Variants in CCR1 observed in about 807,000 individuals in gnomAD.
CCR1 encodes C-C chemokine receptor type 1.
A neutral mutation model predicts 0.3 loss-of-function variants in CCR1; 1 was observed. The ratio of observed to expected loss-of-function variants is 3.70; its 90% CI spans 1.31 to 17.54. CCR1 has a LOEUF of 17.54. Among genes scored for constraint, CCR1 ranks in the 30% most tolerant of loss-of-function variants. The pLI, the probability that CCR1 is intolerant of heterozygous loss-of-function variation, is 0.11. For missense variants in CCR1, 349 were observed against 435.4 expected, an observed-to-expected ratio of 0.80 and a Z score of 1.77; for synonymous variants, 207 against 182.5, an observed-to-expected ratio of 1.13 and a Z score of -1.08.
chr3:46,204,523 T>C (rs1316714604), intron 1 of CCR1, among the ~76,000 whole-genome samples, 199 bp from the exon 2 acceptor site: 1 of 152,142 alleles, frequency 6.6e-6, no homozygotes, highest in African/African-American at 2.4e-5. Flanking sequence ...CTAGGAATCT[T>C]AGTCTAACAG....
intron 1 of CCR1, among the ~76,000 whole-genome samples, chr3:46,204,622 G>A (rs1349689393): frequency 6.6e-6 from 1 of 152,164 alleles, no homozygotes; most frequent in Non-Finnish European, 1.5e-5. Context: ...TCAATGGGTG[G>A]AAAGCCAGAG....
Position 46,204,295 on chromosome 3 carries a change from T to C in CCR1, c.19A>G (p.Thr7Ala). The C allele has an allele frequency of 6.3e-7, 1 of 1,584,324 alleles. No homozygotes were observed. Among genetic ancestry groups the C allele is most frequent in the Non-Finnish European group, 8.6e-7 (1 of 1,168,298 alleles). ...TCTGTGGTCGTGTCATAGTCCTCTG[T>C]GGTGTTTGGAGTTTCCATCCCGGCT... METPNT[T>A]EDYDTTTEFD... Residue 7 changes from threonine (T) to alanine (A), a missense_variant, in exon 2 of 2, where the codon ACA becomes GCA. Transcript: ENST00000296140.
Position 46,203,252 on chromosome 3 carries a change from C to A in CCR1, c.1062G>T (p.Gly354=). The change falls in exon 2 of 2, where the codon GGG becomes GGT. Residue 354 remains glycine, a synonymous_variant. Coordinates refer to ENST00000296140, the MANE Select transcript of CCR1 (RefSeq NM_001295.3). The surrounding 1 kb of genome is among the most constrained non-coding windows in gnomAD (Gnocchi z 4.5). ...TGGCCTCCTATGGTCTGAGTCAGAACCCAGCAGAGAGTTCATGCTCCCCTG... is the reference window on the plus strand; with the variant it reads ...TGGCCTCCTATGGTCTGAGTCAGAAACCAGCAGAGAGTTCATGCTCCCCTG... ...PSTGEHELSA[G]F is the part of the protein sequence containing the mutation. The A allele has an allele frequency of 6.2e-7, 1 of 1,611,908 alleles. No homozygotes were observed. Among genetic ancestry groups the A allele is most frequent in the Non-Finnish European group, 8.5e-7 (1 of 1,178,512 alleles).
In CCR1 at chr3:46,203,832, G is replaced by T. The variant is rs773518362; in HGVS notation, c.482C>A (p.Ala161Asp). 6.2e-7 allele frequency: 1 copy of T among 1,614,182 alleles called. No individual in the cohort carries two copies. The highest frequency in any genetic ancestry group is 1.7e-5 in the Admixed American group (1 of 60,022). The change falls in exon 2 of 2, where the codon GCC becomes GAC. Residue 161 changes from alanine (A) to aspartate (D), a missense_variant. Ala to Asp is a moderately radical substitution (Grantham distance 126). Transcript: ENST00000296140. The surrounding 1 kb of genome is among the most constrained non-coding windows in gnomAD (Gnocchi z 4.5). ...TAAGCCTGGCATGGAAGCCAAGATGGCCAGGGCCCAAATGATGATGCTGGT... is the reference window on the plus strand; with the variant it reads ...TAAGCCTGGCATGGAAGCCAAGATGTCCAGGGCCCAAATGATGATGCTGGT... ...VITSIIIWAL[A>D]ILASMPGLYF...
intron 1 of CCR1, 149 bp from the exon 2 acceptor site, chr3:46,204,473 C>CA (rs1223484299): frequency 1.6e-5 from 9 of 575,480 alleles, no homozygotes. Flanking sequence ...GCCCTGGGGA[C>CA]AAAATGGAGT....
intron 1 of CCR1, among the ~76,000 whole-genome samples, chr3:46,207,965 C>T (rs1699662045): frequency 6.6e-6 from 1 of 152,128 alleles, no homozygotes; most frequent in South Asian, 2.1e-4. Flanking sequence ...GAATAGGTTT[C>T]CACAGAAAAC....
intron 1 of CCR1, among the ~76,000 whole-genome samples, chr3:46,207,414 G>A (rs1559521001): frequency 6.6e-6 from 1 of 151,842 alleles, no homozygotes; most frequent in African/African-American, 2.4e-5. Context: ...CAGAACAGAT[G>A]CCCCCCAAGA....
rs1350688557 is a variant in CCR1, at chr3:46,202,890, T to C, written c.*356A>G. 1.0e-5 allele frequency: 2 copies of C among 193,468 alleles called. No individual in the cohort carries two copies. The highest frequency in any genetic ancestry group is 2.1e-5 in the Non-Finnish European group (2 of 93,896). The allele number at this position is 193,468 out of a possible 1,614,324, so 12.0% of individuals were successfully genotyped here. On this transcript the variant is annotated 3_prime_UTR_variant, in exon 2 of 2. Transcript: ENST00000296140. Reference sequence around the variant, plus strand: ...CCACAGTCACCACTACTGGGTTTAATTGGTTTGTGCAAGCAATAGTGGGAA... The same window carrying C: ...CCACAGTCACCACTACTGGGTTTAACTGGTTTGTGCAAGCAATAGTGGGAA...
Position 46,203,578 on chromosome 3 carries a change from TCATGATGAC to T in CCR1, c.727_735del (p.Val243_Met245del). On this transcript the variant is annotated inframe_deletion, in exon 2 of 2. Transcript: ENST00000296140. This position sits in a 1 kb window ranked among gnomAD's most constrained non-coding sequence, Gnocchi z 4.5. ...GGGGTCCAAAAGAGAAAAAAGATGA[TCATGATGAC>T]AAAAATCAAACGGACAGCTTTGGAT... 1 of 1,614,068 alleles carries T rather than the reference TCATGATGAC, an allele frequency of 6.2e-7. No individual in the cohort carries two copies. Among genetic ancestry groups the T allele is most frequent in the East Asian group, 2.2e-5 (1 of 44,878 alleles).
Position 46,202,378 on chromosome 3 carries a change from A to G in CCR1, c.*868T>C, listed in dbSNP as rs201131076. 4.6e-5 allele frequency: 7 copies of G among 152,150 alleles called. No homozygotes were observed. The highest frequency in any genetic ancestry group is 8.8e-5 in the Non-Finnish European group (6 of 68,032). The allele number at this position is 152,150 out of a possible 1,614,324, so 9.4% of individuals were successfully genotyped here. A position where few individuals can be genotyped will look rare whatever the true frequency, so the allele number is the denominator to read the frequency against. On this transcript the variant is annotated 3_prime_UTR_variant, in exon 2 of 2. Transcript: ENST00000296140. ...AATAAAGCCATTAGAATCTACCAAC[A>G]TATCACCCAACTTGAAAAGAAGAGA... is the stretch of plus-strand genomic sequence containing the variant.
In CCR1 at chr3:46,203,625, G is replaced by T. The variant is rs528572050; in HGVS notation, c.689C>A (p.Pro230Gln). Reference protein sequence around the residue: ...TGIIKILLRRPNEKKSKAVRL... With the variant: ...TGIIKILLRRQNEKKSKAVRL... ...GACAGCTTTGGATTTCTTCTCATTTGGTCGTCTTAGCAGAATCTTTATAAT... is the reference window on the plus strand; with the variant it reads ...GACAGCTTTGGATTTCTTCTCATTTTGTCGTCTTAGCAGAATCTTTATAAT... The change falls in exon 2 of 2, where the codon CCA (proline) becomes CAA (glutamine). Residue 230 changes from proline (P) to glutamine (Q), a missense_variant. Transcript: ENST00000296140. The surrounding 1 kb of genome is among the most constrained non-coding windows in gnomAD (Gnocchi z 4.5). 1.2e-5 allele frequency: 20 copies of T among 1,614,154 alleles called. No homozygotes were observed. In the East Asian group the frequency reaches 4.2e-4, roughly 34 times the overall value.
intron 1 of CCR1, among the ~76,000 whole-genome samples, chr3:46,204,963 A>G (rs1282359469): frequency 2.0e-5 from 3 of 152,262 alleles, no homozygotes; most frequent in African/African-American, 7.2e-5. Flanking sequence ...AGAGAAAGAT[A>G]CAAACAGATA....
chr3:46,205,513 A>AC (rs1699640206), intron 1 of CCR1, among the ~76,000 whole-genome samples: 17 of 152,182 alleles, frequency 1.1e-4, no homozygotes, highest in South Asian at 2.1e-4. Flanking sequence ...ATCACTCTGT[A>AC]GGTTGCCTTT....
chr3:46,204,684 C>T (rs372748790), intron 1 of CCR1, among the ~76,000 whole-genome samples: 4 of 152,170 alleles, frequency 2.6e-5, no homozygotes, highest in African/African-American at 9.7e-5. Flanking sequence ...ACCCCCATGG[C>T]CTAGGCACTG....
intron 1 of CCR1, among the ~76,000 whole-genome samples, chr3:46,205,792 T>C (rs913046423): frequency 2.0e-5 from 3 of 152,056 alleles, no homozygotes; most frequent in African/African-American, 7.2e-5. Context: ...AGGCCCCTTA[T>C]TGAGGGCCTG....
chr3:46,203,137 C>T lies in CCR1; in HGVS notation c.*109G>A. Reference sequence around the variant, plus strand: ...CCCTCTCTATCCCAAGTGGCTGTGACTCCATGCTGTGCCAAGAGTCAGAAC... The same window carrying T: ...CCCTCTCTATCCCAAGTGGCTGTGATTCCATGCTGTGCCAAGAGTCAGAAC... On this transcript the variant is annotated 3_prime_UTR_variant, in exon 2 of 2. Coordinates refer to ENST00000296140, the MANE Select transcript of CCR1 (RefSeq NM_001295.3). This position sits in a 1 kb window ranked among gnomAD's most constrained non-coding sequence, Gnocchi z 4.5. The T allele has an allele frequency of 1.3e-6, 1 of 748,370 alleles. No individual in the cohort carries two copies. Among genetic ancestry groups the T allele is most frequent in the Non-Finnish European group, 2.2e-6 (1 of 455,638 alleles). The allele number at this position is 748,370 out of a possible 1,614,324, so 46.4% of individuals were successfully genotyped here. A position where few individuals can be genotyped will look rare whatever the true frequency, so the allele number is the denominator to read the frequency against.
chr3:46,203,696 A>C lies in CCR1; in HGVS notation c.618T>G (p.Phe206Leu), dbSNP rs1417107443. 6.2e-7 allele frequency: 1 copy of C among 1,614,162 alleles called. No individual in the cohort carries two copies. Among genetic ancestry groups the C allele is most frequent in the African/African-American group, 1.3e-5 (1 of 75,050 alleles). Residue 206 changes from phenylalanine to leucine, a missense_variant, in exon 2 of 2, where the codon TTT (phenylalanine) becomes TTG (leucine). Physicochemically the swap from Phe to Leu is conservative, Grantham distance 22. Transcript: ENST00000296140. This position sits in a 1 kb window ranked among gnomAD's most constrained non-coding sequence, Gnocchi z 4.5. ...TGACCAACAAAGGCAATACCAGCCCAAAGAGGTTCAGTTTCAGAGCCTGAA... is the reference window on the plus strand; with the variant it reads ...TGACCAACAAAGGCAATACCAGCCCCAAGAGGTTCAGTTTCAGAGCCTGAA... ...KLFQALKLNL[F>L]GLVLPLLVMI...
At position 46,203,580 on chromosome 3, in the gene CCR1, A is replaced by G. The variant is rs757886524; in HGVS notation, c.734T>C (p.Met245Thr). The G allele has an allele frequency of 6.8e-6, 11 of 1,614,162 alleles. No homozygotes were observed. Among genetic ancestry groups the G allele is most frequent in the African/African-American group, 1.3e-5 (1 of 75,038 alleles). Reference protein sequence around the residue: ...SKAVRLIFVIMIIFFLFWTPY... With the variant: ...SKAVRLIFVITIIFFLFWTPY... Reference sequence around the variant, plus strand: ...GGTCCAAAAGAGAAAAAAGATGATCATGATGACAAAAATCAAACGGACAGC... The same window carrying G: ...GGTCCAAAAGAGAAAAAAGATGATCGTGATGACAAAAATCAAACGGACAGC... Residue 245 changes from methionine (M) to threonine (T), a missense_variant, in exon 2 of 2, where the codon ATG becomes ACG. By Grantham distance (81) the Met-to-Thr change is moderately conservative. Transcript: ENST00000296140. This position sits in a 1 kb window ranked among gnomAD's most constrained non-coding sequence, Gnocchi z 4.5.
rs1369711659 is a variant in CCR1 at position 46,202,782 on chromosome 3, C to CGGG, written c.*461_*463dup. ...AAGTTCTTTGGCAGTGGGAGGGTGG[C>CGGG]GGGGGGGGGGAGGTGATGGAAGAAC... On this transcript the variant is annotated 3_prime_UTR_variant, in exon 2 of 2. Transcript: ENST00000296140. 1 of 66,680 alleles carries CGGG rather than the reference C, an allele frequency of 1.5e-5. No individual in the cohort carries two copies. Among genetic ancestry groups the CGGG allele is most frequent in the Non-Finnish European group, 3.2e-5 (1 of 31,516 alleles). 4.1% of individuals were successfully genotyped at this position (66,680 alleles called of 1,614,324 possible). A position where few individuals can be genotyped will look rare whatever the true frequency, so the allele number is the denominator to read the frequency against.
Sources: gnomAD v4.1 joint callset for allele counts (sites outside exome capture counted in the v4.1 genomes callset) on GRCh38, gnomAD v4.1.1 for gene constraint, Gnocchi (gnomAD v3.1) non-coding constraint, MANE v1.5 for transcripts, NCBI Gene and HGNC (gene_info 2026-07-23, HGNC 2026-07-21) for gene names.